PLGRKT: variants seen among roughly 807,000 people sequenced by gnomAD.
PLGRKT encodes the protein plasminogen receptor (KT).
In PLGRKT, 22 loss-of-function variants were observed where a neutral mutation model predicts 18.5. That is an observed-to-expected ratio of 1.19 (90% CI 0.85 to 1.70). PLGRKT has a LOEUF of 1.70. Among genes scored for constraint, PLGRKT ranks in the 40% most tolerant of loss-of-function variants. PLGRKT has a pLI of 0.00. For missense variants in PLGRKT, 235 were observed against 174.4 expected, an observed-to-expected ratio of 1.35 and a Z score of -1.96; for synonymous variants, 72 against 52.8, an observed-to-expected ratio of 1.36 and a Z score of -1.58.
intron 3 of PLGRKT, among the ~76,000 whole-genome samples, chr9:5,363,492 A>C (rs1181198576): frequency 6.6e-6 from 1 of 152,062 alleles, no homozygotes; most frequent in South Asian, 2.1e-4. Flanking sequence ...AGCTGATGTG[A>C]GAACCTTGCA....
intron 3 of PLGRKT, among the ~76,000 whole-genome samples, chr9:5,393,675 C>G (rs915649841): frequency 6.6e-6 from 1 of 151,718 alleles, no homozygotes; most frequent in Non-Finnish European, 1.5e-5. Flanking sequence ...CAGAAATTCT[C>G]TTACTAGTTT....
intron 3 of PLGRKT, among the ~76,000 whole-genome samples, chr9:5,423,392 T>C (rs1347393930): frequency 6.6e-6 from 1 of 152,232 alleles, no homozygotes; most frequent in Non-Finnish European, 1.5e-5. Flanking sequence ...TAATTATATT[T>C]GGAACATACT....
chr9:5,425,101 A>G (rs942852564), intron 3 of PLGRKT, among the ~76,000 whole-genome samples: 3 of 152,178 alleles, frequency 2.0e-5, no homozygotes, highest in Admixed American at 6.5e-5. Flanking sequence ...TAATCTTTAC[A>G]TTGACCAAAA....
intron 3 of PLGRKT, among the ~76,000 whole-genome samples, chr9:5,389,623 A>G (rs989140285): frequency 9.9e-5 from 15 of 151,876 alleles, no homozygotes; most frequent in African/African-American, 3.4e-4. Flanking sequence ...CCAATTGCTT[A>G]GTCCTAGACA....
intron 3 of PLGRKT, among the ~76,000 whole-genome samples, chr9:5,394,098 AG>A (rs1002634218): frequency 2.0e-5 from 3 of 151,856 alleles, no homozygotes; most frequent in Non-Finnish European, 4.4e-5. Flanking sequence ...CCCTTTCCTA[AG>A]GAACTGTAAA....
chr9:5,408,393 C>A (rs937172231), intron 3 of PLGRKT, among the ~76,000 whole-genome samples: 2 of 152,176 alleles, frequency 1.3e-5, no homozygotes, highest in African/African-American at 4.8e-5. Flanking sequence ...TGCACTGTGC[C>A]CCTGCCAAGG....
intron 3 of PLGRKT, among the ~76,000 whole-genome samples, chr9:5,427,163 T>C (rs1818717684): frequency 6.6e-6 from 1 of 152,220 alleles, no homozygotes; most frequent in Non-Finnish European, 1.5e-5. Flanking sequence ...TCTCCCACCA[T>C]TCCTGCTGGG....
intron 3 of PLGRKT, among the ~76,000 whole-genome samples, chr9:5,430,298 G>A (rs1247345476): frequency 1.3e-5 from 2 of 152,208 alleles, no homozygotes; most frequent in Non-Finnish European, 2.9e-5. Flanking sequence ...TAAAAACCCT[G>A]TAGTTTCCAA....
intron 3 of PLGRKT, among the ~76,000 whole-genome samples, chr9:5,369,409 A>G (rs991932634): frequency 6.6e-6 from 1 of 152,254 alleles, no homozygotes; most frequent in African/African-American, 2.4e-5. Flanking sequence ...CATGCCAGTT[A>G]GAACGGTGAT....
At chr9:5,398,852 A>C (rs1818102075) in intron 3 of PLGRKT, among the ~76,000 whole-genome samples, 1 of 151,842 alleles carries the variant, frequency 6.6e-6, no homozygotes, top group Admixed American at 6.6e-5. Flanking sequence ...TTGATGTATT[A>C]TTTTGAGCTA....
At chr9:5,386,780 G>C (rs1333784057) in intron 3 of PLGRKT, among the ~76,000 whole-genome samples, 1 of 151,798 alleles carries the variant, frequency 6.6e-6, no homozygotes, top group Non-Finnish European at 1.5e-5. Context: ...ATTATCCTCT[G>C]AGTTCATTCA....
intron 3 of PLGRKT, among the ~76,000 whole-genome samples, chr9:5,385,434 G>C (rs1421121426): frequency 6.6e-6 from 1 of 151,538 alleles, no homozygotes; most frequent in East Asian, 1.9e-4. Flanking sequence ...CTGACCTCAT[G>C]ATCCTCCTGC....
chr9:5,417,235 T>C (rs984642201), intron 3 of PLGRKT, among the ~76,000 whole-genome samples: 3 of 152,218 alleles, frequency 2.0e-5, no homozygotes, highest in African/African-American at 7.2e-5. Context: ...AGTTAAAGAC[T>C]TAGTATGTGA....
intron 2 of PLGRKT, among the ~76,000 whole-genome samples, chr9:5,435,153 C>T (rs990549929): frequency 5.5e-4 from 84 of 152,188 alleles, no homozygotes; most frequent in African/African-American, 1.8e-3. Flanking sequence ...ACTCCCTAAT[C>T]TCAAGTACCC....
intron 2 of PLGRKT, among the ~76,000 whole-genome samples, chr9:5,434,134 G>A (rs1386356316): frequency 7.3e-6 from 1 of 137,858 alleles, no homozygotes; most frequent in South Asian, 2.4e-4. Flanking sequence ...GGGCGTCTCT[G>A]CCCCGCCGCC....
At chr9:5,436,903 G>A (rs908497283) in intron 1 of PLGRKT, among the ~76,000 whole-genome samples, 4 of 152,112 alleles carry the variant, frequency 2.6e-5, no homozygotes, top group African/African-American at 9.7e-5. Context: ...CCTTGCAATA[G>A]GGATAACTTT....
chr9:5,372,516 C>T (rs1415362759), intron 3 of PLGRKT, among the ~76,000 whole-genome samples: 1 of 152,152 alleles, frequency 6.6e-6, no homozygotes, highest in African/African-American at 2.4e-5. Flanking sequence ...AGTTTGCACT[C>T]TACATTATCA....
intron 3 of PLGRKT, among the ~76,000 whole-genome samples, chr9:5,370,656 GT>G (rs1448857396): frequency 6.6e-6 from 1 of 152,078 alleles, no homozygotes; most frequent in African/African-American, 2.4e-5. Flanking sequence ...ATGTAGACCT[GT>G]TTTTGTTTTG....
intron 3 of PLGRKT, among the ~76,000 whole-genome samples, chr9:5,424,668 T>TTATATATATATATATATATATATATATA (rs375682412): frequency 3.9e-4 from 44 of 113,126 alleles, no homozygotes; most frequent in African/African-American, 1.5e-3. Context: ...ATTATATATT[T>TTATATATATATATATATATATATATATA]TATATATATA....
Sources: allele counts gnomAD v4.1 joint callset (sites outside exome capture counted in the v4.1 genomes callset), GRCh38; gene constraint gnomAD v4.1.1; transcripts MANE v1.5; gene names NCBI Gene and HGNC (gene_info 2026-07-23, HGNC 2026-07-21).